Variants in ODAD2 observed in about 807,000 individuals in gnomAD.
ODAD2 encodes outer dynein arm docking complex subunit 2, also known as outer dynein arm-docking complex subunit 2.
ODAD2 carries 89 observed loss-of-function variants against 106.8 expected under a neutral mutation model. The observed-to-expected ratio is 0.83, with a 90% CI of 0.70 to 0.99. The LOEUF (loss-of-function observed/expected upper bound fraction) is 0.99. Ranked by LOEUF, ODAD2 falls within the 50% of genes least tolerant of loss-of-function variation. The probability of loss-of-function intolerance (pLI) is 0.00; values close to 1 mark genes in which losing one functional copy is unlikely to be tolerated. For missense variants in ODAD2, 1,168 were observed against 1,238.5 expected (o/e 0.94, Z 0.85); for synonymous variants, 404 against 436.2 (o/e 0.93, Z 0.92).
Position 27,968,931 on chromosome 10 carries a change from T to C in ODAD2, c.1230A>G (p.Gln410=). The C allele has an allele frequency of 1.6e-6, 1 of 631,492 alleles. No homozygotes were observed. Among genetic ancestry groups the C allele is most frequent in the South Asian group, 1.9e-5 (1 of 51,970 alleles). The allele number at this position is 631,492 out of a possible 1,614,324, so 39.1% of individuals were successfully genotyped here. ...PRPSVSHGRA[Q]LLRKSAEKIE... is the part of the protein sequence containing the mutation. ...GCTGACCAGAAACATACCGAAGTAA[T>C]TGTGCTCTTCCGTGTGAAACAGATG... Residue 410 remains glutamine (Q), a synonymous_variant, in exon 9 of 20, where the codon CAA becomes CAG. Coordinates refer to ENST00000305242, the MANE Select transcript of ODAD2 (RefSeq NM_018076.5).
intron 19 of ODAD2, among the ~76,000 whole-genome samples, chr10:27,842,036 G>A (rs1838343984): frequency 1.3e-5 from 2 of 152,174 alleles, no homozygotes; most frequent in African/African-American, 4.8e-5. Flanking sequence ...CCCTCTGGCT[G>A]CAAATTCTTC....
At chr10:27,913,436 T>A (rs763796430) in intron 16 of ODAD2, among the ~76,000 whole-genome samples, 2 of 152,124 alleles carry the variant, frequency 1.3e-5, no homozygotes, top group African/African-American at 2.4e-5. Context: ...TCCAGCTCTA[T>A]GCATGTTGTT....
intron 19 of ODAD2, among the ~76,000 whole-genome samples, chr10:27,855,136 G>C (rs1269335319): frequency 6.6e-6 from 1 of 152,020 alleles, no homozygotes; most frequent in Non-Finnish European, 1.5e-5. Flanking sequence ...ATCTATCAAA[G>C]TGTACACCTT....
At position 27,924,043 on chromosome 10, in the gene ODAD2, G is replaced by GGA. The variant is rs1564509655; in HGVS notation, c.2495+10965_2495+10966dup. On this transcript the variant is annotated intron_variant, in intron 16 of 19. Coordinates refer to ENST00000305242, the MANE Select transcript of ODAD2 (RefSeq NM_018076.5). ...GAAAGAAGGAAAGAGAAAGAAAGAA[G>GGA]GAAAGAGAAAGAAAGAAAGAAAGAA... Among the ~76,000 whole-genome samples the GGA allele has an allele frequency of 6.5e-5, 7 of 107,486 alleles. 1 individual carries two copies. Among genetic ancestry groups the GGA allele is most frequent in the Admixed American group, 2.7e-4 (3 of 11,142 alleles). 70.5% of individuals were successfully genotyped at this position (107,486 alleles called of 152,430 possible). A position where few individuals can be genotyped will look rare whatever the true frequency, so the allele number is the denominator to read the frequency against.
Position 27,887,085 on chromosome 10 carries a change from A to G in ODAD2, c.2610+20578T>C, listed in dbSNP as rs536562196. 2.0e-5 allele frequency among the ~76,000 whole-genome samples: 3 copies of G among 152,156 alleles called. No homozygotes were observed. The South Asian group carries it at 6.2e-4, about 32-fold the overall frequency. On this transcript the variant is annotated intron_variant, in intron 17 of 19. Transcript: ENST00000305242. ...AATACATTGGCAAAATGGATTTTAA[A>G]AAAACAATTCTACAATATATTATTT... is the stretch of plus-strand genomic sequence containing the variant.
chr10:27,931,413 G>C (rs993999671), intron 16 of ODAD2, among the ~76,000 whole-genome samples: 4 of 151,932 alleles, frequency 2.6e-5, no homozygotes, highest in Non-Finnish European at 4.4e-5. Flanking sequence ...AACTAGTTTT[G>C]TGCATTACTA....
At chr10:27,874,263 T>G (rs1176763123) in intron 17 of ODAD2, among the ~76,000 whole-genome samples, 1 of 152,216 alleles carries the variant, frequency 6.6e-6, no homozygotes, top group Non-Finnish European at 1.5e-5. Context: ...GCACATGAGA[T>G]GGGTCTCCTG....
chr10:27,935,037 G>A lies in ODAD2; in HGVS notation c.2468C>T (p.Ala823Val), dbSNP rs1443157618. ...LLVNVTKAVG[A>V]CAVEPESMMI... is the part of the protein sequence containing the mutation. ...CATACTTTCAGGTTCTACTGCACAA[G>A]CACCAACTGCTTTTGTAACATTCAC... Residue 823 changes from alanine to valine, a missense_variant, in exon 16 of 20, where the codon GCT becomes GTT. Transcript: ENST00000305242. 3.7e-6 allele frequency: 6 copies of A among 1,613,804 alleles called. No homozygotes were observed. The highest frequency in any genetic ancestry group is 1.3e-5 in the African/African-American group (1 of 74,890).
At chr10:27,945,417 C>A (rs1158456273) in intron 10 of ODAD2, among the ~76,000 whole-genome samples, 1 of 152,162 alleles carries the variant, frequency 6.6e-6, no homozygotes, top group Non-Finnish European at 1.5e-5. Context: ...GCACCGCAAT[C>A]CATACTGGAA....
intron 9 of ODAD2, among the ~76,000 whole-genome samples, chr10:27,965,994 G>T (rs1238161165): frequency 6.6e-6 from 1 of 152,092 alleles, no homozygotes; most frequent in Non-Finnish European, 1.5e-5. Context: ...ACTCCCAGTG[G>T]GTTCTCGTCC....
rs1835824360 is a variant in ODAD2, at chr10:27,812,583, C to T, written c.3064G>A (p.Glu1022Lys). Reference protein sequence around the residue: ...MVGSPDQDLQEAAAGCISNIR... With the variant: ...MVGSPDQDLQKAAAGCISNIR... ...TTGGATATACAACCAGCTGCAGCTT[C>T]CTGGAGATCCTGGTCAGGGGACCCA... Residue 1022 changes from glutamate to lysine, a missense_variant, in exon 20 of 20, where the codon GAA becomes AAA. This residue lies in a region of ODAD2 where 701 missense variants were observed against 712.3 expected (regional missense o/e 0.98). Transcript: ENST00000305242. The T allele has an allele frequency of 1.2e-6, 2 of 1,612,830 alleles. No homozygotes were observed.
intron 12 of ODAD2, 88 bp from the exon 13 acceptor site, chr10:27,940,893 G>T: frequency 7.5e-7 from 1 of 1,331,228 alleles, no homozygotes; most frequent in Non-Finnish European, 1.0e-6. Flanking sequence ...TCCTTACCAA[G>T]CTCACCTCCG....
At chr10:27,883,980 GGAGAAAGAGAA>G (rs1841911125) in intron 17 of ODAD2, among the ~76,000 whole-genome samples, 1 of 151,536 alleles carries the variant, frequency 6.6e-6, no homozygotes, top group Non-Finnish European at 1.5e-5. Flanking sequence ...CTAGAAAAAA[GGAGAAAGAGAA>G]GAGAAAGAGG....
chr10:27,872,546 T>C (rs1425820343), intron 17 of ODAD2, among the ~76,000 whole-genome samples: 1 of 152,178 alleles, frequency 6.6e-6, no homozygotes, highest in Non-Finnish European at 1.5e-5. Context: ...ACCTAATTTA[T>C]TGAGAGTTTT....
At chr10:27,895,266 T>C (rs1178325997) in intron 17 of ODAD2, among the ~76,000 whole-genome samples, 1 of 152,186 alleles carries the variant, frequency 6.6e-6, no homozygotes, top group African/African-American at 2.4e-5. Flanking sequence ...ACCAAAACGA[T>C]AGCCGCTAAC....
At position 27,812,290 on chromosome 10, in the gene ODAD2, C is replaced by A; in HGVS notation, c.*222G>T. On this transcript the variant is annotated 3_prime_UTR_variant, in exon 20 of 20. Coordinates refer to ENST00000305242, the MANE Select transcript of ODAD2 (RefSeq NM_018076.5). ...AACTTATCACAGGTTTATTGGCTTT[C>A]CATCTTATCACATGTCATATCTCGA... 3.9e-6 allele frequency: 2 copies of A among 518,782 alleles called. No individual in the cohort carries two copies. Among genetic ancestry groups the A allele is most frequent in the Non-Finnish European group, 6.7e-6 (2 of 300,510 alleles). 32.1% of individuals were successfully genotyped at this position (518,782 alleles called of 1,614,324 possible).
Position 27,852,682 on chromosome 10 carries a change from C to T in ODAD2, c.3021+7943G>A, listed in dbSNP as rs151061667. ...TGGTACATTTAAAGCTAACCGTGGC[C>T]GGGCACAGTGGCTCACGCCCATAAT... On this transcript the variant is annotated intron_variant, in intron 19 of 19. Coordinates refer to ENST00000305242, the MANE Select transcript of ODAD2 (RefSeq NM_018076.5). Among the ~76,000 whole-genome samples the T allele has an allele frequency of 1.5e-4, 23 of 152,124 alleles. No individual in the cohort carries two copies. In the East Asian group the frequency reaches 3.5e-3, roughly 23 times the overall value.
Position 27,985,055 on chromosome 10 carries a change from A to G in ODAD2, c.539T>C (p.Leu180Pro), listed in dbSNP as rs747433352. The G allele has an allele frequency of 6.2e-7, 1 of 1,609,442 alleles. No homozygotes were observed. Among genetic ancestry groups the G allele is most frequent in the Non-Finnish European group, 8.5e-7 (1 of 1,178,568 alleles). Residue 180 changes from leucine (L) to proline (P), a missense_variant, in exon 4 of 20, where the codon CTG (leucine) becomes CCG (proline). Coordinates refer to ENST00000305242, the MANE Select transcript of ODAD2 (RefSeq NM_018076.5). ...TTTTAGAGAATGATTGAGGAGGTGC[A>G]GATCCAATTGCTTAAGCAGCATAGC... ...KIAMLLKQLD[L>P]HLLNHSLKHI...
At chr10:27,993,029 C>A (rs1850323729) in intron 2 of ODAD2, among the ~76,000 whole-genome samples, 1 of 152,114 alleles carries the variant, frequency 6.6e-6, no homozygotes, top group Non-Finnish European at 1.5e-5. Context: ...AATTCTCCTG[C>A]CTCAGCCTCC....
Sources: allele counts gnomAD v4.1 joint callset (sites outside exome capture counted in the v4.1 genomes callset), GRCh38; gene constraint gnomAD v4.1.1; regional missense constraint gnomAD v4.1.1; transcripts MANE v1.5; gene names NCBI Gene and HGNC (gene_info 2026-07-23, HGNC 2026-07-21).